UBR4: variants seen among roughly 807,000 people sequenced by gnomAD.
The protein encoded by UBR4 is E3 ubiquitin-protein ligase UBR4.
A neutral mutation model predicts 575.6 loss-of-function variants in UBR4; 124 were observed. That is an observed-to-expected ratio of 0.22 (90% CI 0.19 to 0.25). The LOEUF (loss-of-function observed/expected upper bound fraction) is 0.25, where lower values mean the gene tolerates loss of function less well. Among genes scored for constraint, UBR4 ranks in the 10% least tolerant of loss-of-function variants. UBR4 has a pLI of 1.00. For missense variants in UBR4, 4,818 were observed against 6,478.8 expected (o/e 0.74, Z 8.80); for synonymous variants, 2,455 against 2,473.7 (o/e 0.99, Z 0.22).
rs753729506 is a variant in UBR4, at chr1:19,117,789, G to A, written c.10629+34C>T. ...AACAAGAATCCCACTGGACCTATTGGCCTCAGGACTGTCCATGTACAGATG... is the reference window on the plus strand; with the variant it reads ...AACAAGAATCCCACTGGACCTATTGACCTCAGGACTGTCCATGTACAGATG... On this transcript the variant is annotated intron_variant, in intron 72 of 105. Transcript: ENST00000375254. The surrounding 1 kb of genome is among the most constrained non-coding windows in gnomAD (Gnocchi z 4.0). 4 of 1,582,472 alleles carry A rather than the reference G, an allele frequency of 2.5e-6. No individual in the cohort carries two copies. Among genetic ancestry groups the A allele is most frequent in the Non-Finnish European group, 3.5e-6 (4 of 1,151,628 alleles).
At chr1:19,091,259 G>A (rs2077486936) in intron 97 of UBR4, among the ~76,000 whole-genome samples, 1 of 152,096 alleles carries the variant, frequency 6.6e-6, no homozygotes, top group African/African-American at 2.4e-5. Context: ...TCCTATGCAG[G>A]AAAAAGTATC....
intron 71 of UBR4, 153 bp downstream of exon 71, chr1:19,118,719 T>TG: frequency 1.4e-6 from 1 of 695,588 alleles, no homozygotes; most frequent in African/African-American, 1.8e-5. Context: ...TGCAAGACCC[T>TG]GGCCTACATG....
At chr1:19,095,048 C>T (rs1005015915) in intron 93 of UBR4, 23 bp from the exon 94 acceptor site, 1 of 1,613,952 alleles carries the variant, frequency 6.2e-7, no homozygotes, top group East Asian at 2.2e-5. Context: ...GAGACTCAGT[C>T]ACTCTCAGAA....
rs185542873 is a variant in UBR4, at chr1:19,078,075, G to C, written c.15234-9C>G. The C allele has an allele frequency of 1.5e-3, 2,485 of 1,613,540 alleles. 44 individuals carry two copies. The African/African-American group carries it at 0.025, about 17-fold the overall frequency. Reference sequence around the variant, plus strand: ...CTGCCTTATCTGTCAGCCTGGAAAAGAAAATCCAGTTCCATCACATGAAGT... The same window carrying C: ...CTGCCTTATCTGTCAGCCTGGAAAACAAAATCCAGTTCCATCACATGAAGT... On this transcript the variant is annotated splice_polypyrimidine_tract_variant and intron_variant, in intron 103 of 105. Coordinates refer to ENST00000375254, the MANE Select transcript of UBR4 (RefSeq NM_020765.3).
chr1:19,115,822 TA>T (rs1557647257), intron 73 of UBR4, among the ~76,000 whole-genome samples, 185 bp from the exon 74 acceptor site: 1 of 152,126 alleles, frequency 6.6e-6, no homozygotes, highest in African/African-American at 2.4e-5. Context: ...CTTTTCTCTA[TA>T]AAAAAAGGAA....
chr1:19,146,808 C>A lies in UBR4; in HGVS notation c.7804+18G>T. 1 of 1,606,970 alleles carries A rather than the reference C, an allele frequency of 6.2e-7. No homozygotes were observed. The highest frequency in any genetic ancestry group is 8.5e-7 in the Non-Finnish European group (1 of 1,175,756). On this transcript the variant is annotated intron_variant, in intron 52 of 105. Transcript: ENST00000375254. Reference sequence around the variant, plus strand: ...ATGAAGCAGATCTCAGGACCACGGCCACAGAGGCCAAGTTCACCTGTTTCC... The same window carrying A: ...ATGAAGCAGATCTCAGGACCACGGCAACAGAGGCCAAGTTCACCTGTTTCC...
At chr1:19,123,270 G>A (rs2081367308) in intron 65 of UBR4, among the ~76,000 whole-genome samples, 5 of 152,046 alleles carry the variant, frequency 3.3e-5, no homozygotes. Context: ...TGGCCAACAT[G>A]GTGAAACCCC....
chr1:19,150,797 C>T lies in UBR4; in HGVS notation c.7214-4G>A. Reference sequence around the variant, plus strand: ...GCTGGATCCACCGAGGCCCCAACTGCAATAAGCAAGAGAGGCCTTTAGGAA... The same window carrying T: ...GCTGGATCCACCGAGGCCCCAACTGTAATAAGCAAGAGAGGCCTTTAGGAA... On this transcript the variant is annotated splice_region_variant and splice_polypyrimidine_tract_variant and intron_variant, in intron 48 of 105. Transcript: ENST00000375254. 1 of 1,613,680 alleles carries T rather than the reference C, an allele frequency of 6.2e-7. No individual in the cohort carries two copies. The highest frequency in any genetic ancestry group is 8.5e-7 in the Non-Finnish European group (1 of 1,179,976).
intron 43 of UBR4, 125 bp from the exon 44 acceptor site, chr1:19,155,200 T>C: frequency 3.0e-6 from 4 of 1,337,222 alleles, no homozygotes; most frequent in African/African-American, 1.5e-5. Flanking sequence ...GAGATCCCTG[T>C]GGGTAAATCT....
intron 81 of UBR4, among the ~76,000 whole-genome samples, chr1:19,109,475 G>C (rs1442826240): frequency 6.6e-6 from 1 of 152,240 alleles, no homozygotes; most frequent in Admixed American, 6.5e-5. Context: ...GTAGAGAACT[G>C]ACCCTCTAAG....
At position 19,156,856 on chromosome 1, in the gene UBR4, G is replaced by A; in HGVS notation, c.5830C>T (p.Arg1944Cys). 1 of 1,614,152 alleles carries A rather than the reference G, an allele frequency of 6.2e-7. No homozygotes were observed. The highest frequency in any genetic ancestry group is 8.5e-7 in the Non-Finnish European group (1 of 1,180,010). Residue 1944 changes from arginine to cysteine, a missense_variant, in exon 41 of 106, where the codon CGC (arginine) becomes TGC (cysteine). Arg to Cys is a radical substitution (Grantham distance 180). Coordinates refer to ENST00000375254, the MANE Select transcript of UBR4 (RefSeq NM_020765.3). ...DSSKRKLTLT[R>C]LASAPVPFTV... is the part of the protein sequence containing the mutation. ...AAAGGAACTGGGGCAGAAGCCAAGC[G>A]GGTCAGAGTTAACTTCCTTTTGCTG...
At chr1:19,109,985 G>C in intron 81 of UBR4, 111 bp downstream of exon 81, 1 of 1,510,282 alleles carries the variant, frequency 6.6e-7, no homozygotes, top group East Asian at 2.3e-5. Flanking sequence ...CCTCTCAGGG[G>C]AGGTGGGCTC....
In UBR4 at chr1:19,104,463, G is replaced by C. The variant is rs2078976031; in HGVS notation, c.12727+122C>G. 5 of 1,219,022 alleles carry C rather than the reference G, an allele frequency of 4.1e-6. No individual in the cohort carries two copies. The South Asian group carries it at 5.7e-5, about 14-fold the overall frequency. The allele number at this position is 1,219,022 out of a possible 1,614,324, so 75.5% of individuals were successfully genotyped here. On this transcript the variant is annotated intron_variant, in intron 86 of 105. Transcript: ENST00000375254. ...TATCAATACAGAAAAAAAATGCAGAGCTTAAATCTGCACTAAGGTCAGTAC... is the reference window on the plus strand; with the variant it reads ...TATCAATACAGAAAAAAAATGCAGACCTTAAATCTGCACTAAGGTCAGTAC...
chr1:19,187,927 G>T (rs2091702998), intron 11 of UBR4, among the ~76,000 whole-genome samples: 1 of 151,972 alleles, frequency 6.6e-6, no homozygotes, highest in South Asian at 2.1e-4. Flanking sequence ...AGTTACCCAG[G>T]CATGGTGGCA....
chr1:19,129,843 C>A (rs960163446), intron 60 of UBR4, among the ~76,000 whole-genome samples: 2 of 152,164 alleles, frequency 1.3e-5, no homozygotes, highest in Non-Finnish European at 2.9e-5. Context: ...GATTAAGAAT[C>A]TAGTTGCTGA....
intron 17 of UBR4, among the ~76,000 whole-genome samples, chr1:19,183,179 T>C (rs984205792): frequency 1.4e-5 from 2 of 146,338 alleles, no homozygotes; most frequent in Non-Finnish European, 3.1e-5. Flanking sequence ...CCTATGTTTA[T>C]TGACCACTTA....
chr1:19,133,881 C>T (rs1352663342), intron 60 of UBR4, among the ~76,000 whole-genome samples: 1 of 151,976 alleles, frequency 6.6e-6, no homozygotes, highest in Non-Finnish European at 1.5e-5. Context: ...GGGTTCAAGA[C>T]CAGCCTCGTC....
intron 21 of UBR4, 129 bp downstream of exon 21, chr1:19,174,825 G>A: frequency 1.2e-6 from 1 of 850,442 alleles, no homozygotes; most frequent in East Asian, 2.7e-5. Flanking sequence ...ATTAGAATAA[G>A]CTCAAATCGT....
intron 81 of UBR4, among the ~76,000 whole-genome samples, chr1:19,109,789 C>T (rs923410509): frequency 2.0e-5 from 3 of 152,244 alleles, no homozygotes; most frequent in Admixed American, 2.0e-4. Context: ...TGCAAAGGCA[C>T]AGGGGTAGGA....
Sources: allele counts gnomAD v4.1 joint callset (sites outside exome capture counted in the v4.1 genomes callset), GRCh38; gene constraint gnomAD v4.1.1; non-coding constraint Gnocchi (gnomAD v3.1); transcripts MANE v1.5; gene names NCBI Gene and HGNC (gene_info 2026-07-23, HGNC 2026-07-21).